DLGAP1: variants seen among roughly 807,000 people sequenced by gnomAD.
DLGAP1 encodes the protein disks large-associated protein 1.
In DLGAP1, 11 loss-of-function variants were observed where a neutral mutation model predicts 90.8. That is an observed-to-expected ratio of 0.12 (90% CI 0.08 to 0.20). The LOEUF (loss-of-function observed/expected upper bound fraction) is 0.20. Among genes scored for constraint, DLGAP1 ranks in the 10% least tolerant of loss-of-function variants. The pLI is 1.00. For missense variants in DLGAP1, 1,050 were observed against 1,333.8 expected (o/e 0.79, Z 3.31); for synonymous variants, 558 against 540.7 (o/e 1.03, Z -0.44).
chr18:3,860,316 CATAATA>C (rs762069557), intron 4 of DLGAP1, among the ~76,000 whole-genome samples: 4 of 152,010 alleles, frequency 2.6e-5, no homozygotes, highest in Non-Finnish European at 5.9e-5. Flanking sequence ...TTTTTTCAGG[CATAATA>C]ATAATAGGAT....
At chr18:4,189,994 G>A (rs1181795752) in intron 1 of DLGAP1, among the ~76,000 whole-genome samples, 1 of 152,106 alleles carries the variant, frequency 6.6e-6, no homozygotes, top group East Asian at 1.9e-4. Context: ...GCAGTTTTAT[G>A]CAAACCTTAT....
intron 1 of DLGAP1, among the ~76,000 whole-genome samples, chr18:4,265,350 T>G (rs984597677): frequency 6.6e-6 from 1 of 151,944 alleles, no homozygotes; most frequent in Non-Finnish European, 1.5e-5. Flanking sequence ...TTTGTATTTT[T>G]AGTAGAGACC....
intron 4 of DLGAP1, among the ~76,000 whole-genome samples, chr18:3,842,366 C>G (rs1471143541): frequency 6.6e-6 from 1 of 152,018 alleles, no homozygotes; most frequent in East Asian, 1.9e-4. Flanking sequence ...TAAAGAGGAA[C>G]CAGTGAAGGA....
At chr18:4,448,640 C>A (rs1363173417) in intron 1 of DLGAP1, among the ~76,000 whole-genome samples, 2 of 152,130 alleles carry the variant, frequency 1.3e-5, no homozygotes, top group Non-Finnish European at 2.9e-5. Context: ...CAGCAGGGTG[C>A]CACATGGAAG....
intron 7 of DLGAP1, among the ~76,000 whole-genome samples, chr18:3,612,747 T>TA (rs2057694078): frequency 6.6e-6 from 1 of 152,250 alleles, no homozygotes; most frequent in Non-Finnish European, 1.5e-5. Context: ...ACACATTTTT[T>TA]AGTTATTCTC....
rs560082738 is a variant in DLGAP1 at position 3,696,227 on chromosome 18, T to C, written c.1591+32908A>G. On this transcript the variant is annotated intron_variant, in intron 7 of 12. Transcript: ENST00000315677. ...TGATTGCCCTGGCCAGAACTTCCAA[T>C]ACTATGTTGAATAGGAGTGGTGAGA... is the stretch of plus-strand genomic sequence containing the variant. 3.3e-5 allele frequency among the ~76,000 whole-genome samples: 5 copies of C among 152,298 alleles called. No homozygotes were observed. The East Asian group carries it at 7.7e-4, about 24-fold the overall frequency.
intron 6 of DLGAP1, among the ~76,000 whole-genome samples, chr18:3,740,755 C>G (rs1460735996): frequency 6.6e-6 from 1 of 151,620 alleles, no homozygotes; most frequent in Non-Finnish European, 1.5e-5. Flanking sequence ...CCACCACCAC[C>G]ACTGTCACCA....
intron 7 of DLGAP1, among the ~76,000 whole-genome samples, chr18:3,611,022 A>G (rs2057590659): frequency 6.6e-6 from 1 of 150,748 alleles, no homozygotes; most frequent in African/African-American, 2.4e-5. Flanking sequence ...AGTCTCAGTT[A>G]CTCAGAGGCT....
chr18:4,381,042 A>G (rs142886535), intron 1 of DLGAP1, among the ~76,000 whole-genome samples: 2,850 of 152,332 alleles, frequency 0.019, 59 homozygotes, highest in African/African-American at 0.049. Flanking sequence ...ACCATCATTA[A>G]TTTCCAACTG....
At chr18:3,585,823 G>A (rs2055846568) in intron 7 of DLGAP1, among the ~76,000 whole-genome samples, 1 of 152,132 alleles carries the variant, frequency 6.6e-6, no homozygotes, top group South Asian at 2.1e-4. Context: ...CCAAAAAAAA[G>A]CTAGATAATT....
chr18:3,737,341 T>C (rs2062688997), intron 6 of DLGAP1, among the ~76,000 whole-genome samples: 1 of 151,786 alleles, frequency 6.6e-6, no homozygotes, highest in Admixed American at 6.6e-5. Flanking sequence ...TTTAGACCAA[T>C]ATCCTTGATG....
chr18:3,710,597 T>C (rs537116138), intron 7 of DLGAP1, among the ~76,000 whole-genome samples: 30 of 152,372 alleles, frequency 2.0e-4, no homozygotes, highest in African/African-American at 7.2e-4. Flanking sequence ...TCACTATAGA[T>C]GTCACTGTTC....
At chr18:3,980,989 C>T (rs923794107) in intron 3 of DLGAP1, among the ~76,000 whole-genome samples, 2 of 152,100 alleles carry the variant, frequency 1.3e-5, no homozygotes, top group African/African-American at 4.8e-5. Flanking sequence ...GGACTTATGC[C>T]CTAAGGTCAC....
chr18:4,088,634 T>C (rs890957676), intron 2 of DLGAP1, among the ~76,000 whole-genome samples: 1 of 152,216 alleles, frequency 6.6e-6, no homozygotes, highest in Non-Finnish European at 1.5e-5. Flanking sequence ...TGCTGTGGTT[T>C]TGGGAGGTTT....
intron 1 of DLGAP1, among the ~76,000 whole-genome samples, chr18:4,403,540 G>C (rs925715510): frequency 6.6e-6 from 1 of 151,952 alleles, no homozygotes. Context: ...TTTAAATTAC[G>C]CACAAAAATT....
intron 7 of DLGAP1, among the ~76,000 whole-genome samples, chr18:3,629,517 A>G (rs1240407372): frequency 6.6e-6 from 1 of 151,856 alleles, no homozygotes; most frequent in Non-Finnish European, 1.5e-5. Flanking sequence ...TAAAAATACA[A>G]AAAAATTAGC....
intron 1 of DLGAP1, among the ~76,000 whole-genome samples, chr18:4,244,478 A>G (rs2145151252): frequency 6.6e-6 from 1 of 152,336 alleles, no homozygotes; most frequent in Middle Eastern, 3.4e-3. Context: ...TCTTATAGAA[A>G]TTCATGCGGT....
intron 1 of DLGAP1, among the ~76,000 whole-genome samples, chr18:4,310,463 A>T (rs886891084): frequency 2.0e-5 from 3 of 152,122 alleles, no homozygotes. Context: ...TTCAATTTCC[A>T]CTTCTTCAAG....
intron 5 of DLGAP1, among the ~76,000 whole-genome samples, chr18:3,772,208 T>TC (rs1555662670): frequency 2.0e-5 from 3 of 147,120 alleles, no homozygotes; most frequent in Non-Finnish European, 4.5e-5. Context: ...TCTTCTCTCC[T>TC]TTTCTTTCTC....
Sources: allele counts gnomAD v4.1 joint callset (sites outside exome capture counted in the v4.1 genomes callset), GRCh38; gene constraint gnomAD v4.1.1; transcripts MANE v1.5; gene names NCBI Gene and HGNC (gene_info 2026-07-23, HGNC 2026-07-21).